The following LY96 variants were observed in gnomAD, a reference collection of about 807,000 sequenced individuals.
LY96 encodes the protein lymphocyte antigen 96.
In LY96, 18 loss-of-function variants were observed where a neutral mutation model predicts 18.9. The observed-to-expected ratio is 0.95, with a 90% confidence interval of 0.66 to 1.41. The LOEUF is 1.41. Ranked by LOEUF, LY96 falls within the 40% of genes most tolerant of loss-of-function variation. The probability of loss-of-function intolerance (pLI) is 0.00; values close to 1 mark genes in which losing one functional copy is unlikely to be tolerated. For missense variants in LY96, 175 were observed against 182.4 expected (o/e 0.96, Z 0.23); for synonymous variants, 66 against 62.6 (o/e 1.06, Z -0.26).
intron 2 of LY96, 84 bp downstream of exon 2, chr8:74,004,969 G>A (rs2131263243): frequency 2.8e-6 from 4 of 1,415,642 alleles, no homozygotes; most frequent in Admixed American, 3.6e-5. Flanking sequence ...AAATATACTT[G>A]TATTCGTTAT....
rs143496381 is a variant in LY96, at chr8:74,002,569, A to C, written c.113-2227A>C. Among the ~76,000 whole-genome samples the C allele has an allele frequency of 6.3e-3, 794 of 125,664 alleles. 10 individuals are homozygous for C. Among genetic ancestry groups the C allele is most frequent in the African/African-American group, 0.016 (548 of 34,014 alleles). The allele number at this position is 125,664 out of a possible 152,430, so 82.4% of individuals were successfully genotyped here. ...CCTCAGCTCCATGATTTATTTATTT[A>C]TTTCTTTTTTTTTTTTTTTTGAGAC... On this transcript the variant is annotated intron_variant, in intron 1 of 4. Transcript: ENST00000284818.
At chr8:74,028,608 T>A (rs1001947643) in intron 4 of LY96, among the ~76,000 whole-genome samples, 1 of 152,194 alleles carries the variant, frequency 6.6e-6, no homozygotes, top group Non-Finnish European at 1.5e-5. Context: ...ATTCTAGATA[T>A]TTGCGTGACA....
chr8:74,047,993 G>C, the LY96 span, among the ~76,000 whole-genome samples: 1 of 152,040 alleles, frequency 6.6e-6, no homozygotes, highest in East Asian at 1.9e-4. Flanking sequence ...TGACTTCCTT[G>C]GCTCAAAAAA....
chr8:74,089,358 G>A, the LY96 span, among the ~76,000 whole-genome samples: 1 of 152,064 alleles, frequency 6.6e-6, no homozygotes, highest in African/African-American at 2.4e-5. Flanking sequence ...AAATTATGAA[G>A]GATTTCAATT....
chr8:74,050,666 A>G, the LY96 span, among the ~76,000 whole-genome samples: 1 of 152,132 alleles, frequency 6.6e-6, no homozygotes, highest in Non-Finnish European at 1.5e-5. Context: ...AAATTATAGC[A>G]CTATTACCAT....
intron 3 of LY96, among the ~76,000 whole-genome samples, chr8:74,024,034 G>C (rs978201914): frequency 3.9e-5 from 6 of 152,114 alleles, no homozygotes; most frequent in South Asian, 2.1e-4. Flanking sequence ...GCTGGGCCTT[G>C]AAAATTATGT....
At chr8:74,097,927 C>T in the LY96 span, among the ~76,000 whole-genome samples, 28 of 152,098 alleles carry the variant, frequency 1.8e-4, no homozygotes, top group Non-Finnish European at 3.8e-4. Flanking sequence ...CTATGGCCAG[C>T]AGAGAAATTG....
chr8:74,073,394 T>C, the LY96 span, among the ~76,000 whole-genome samples: 2 of 152,188 alleles, frequency 1.3e-5, no homozygotes. Context: ...ACAGATGATC[T>C]CATTCAGTCC....
the LY96 span, among the ~76,000 whole-genome samples, chr8:74,084,985 C>T: frequency 6.6e-6 from 1 of 152,190 alleles, no homozygotes; most frequent in South Asian, 2.1e-4. Flanking sequence ...CACTAAAGTA[C>T]AAATGACAAA....
At chr8:74,053,739 A>G in the LY96 span, among the ~76,000 whole-genome samples, 1 of 152,234 alleles carries the variant, frequency 6.6e-6, no homozygotes. Flanking sequence ...GCCAAATTTC[A>G]TGTGTTGGAA....
At chr8:74,070,687 T>C in the LY96 span, among the ~76,000 whole-genome samples, 1 of 152,326 alleles carries the variant, frequency 6.6e-6, no homozygotes, top group African/African-American at 2.4e-5. Context: ...TCACCTCGTG[T>C]TCTTACCATC....
intron 4 of LY96, among the ~76,000 whole-genome samples, chr8:74,028,682 T>C (rs1816918085): frequency 6.6e-6 from 1 of 152,222 alleles, no homozygotes; most frequent in African/African-American, 2.4e-5. Flanking sequence ...AATTTAATAA[T>C]GCATATTCTT....
chr8:74,088,367 A>G, the LY96 span, among the ~76,000 whole-genome samples: 4 of 152,118 alleles, frequency 2.6e-5, no homozygotes, highest in Admixed American at 1.3e-4. Flanking sequence ...AGGAAAACAC[A>G]AGGAGCCATT....
intron 1 of LY96, among the ~76,000 whole-genome samples, chr8:73,999,291 G>A (rs1362533039): frequency 6.6e-6 from 1 of 151,242 alleles, no homozygotes. Flanking sequence ...TTTGAAACAA[G>A]ATCTCAATCT....
At chr8:74,096,582 C>G in the LY96 span, among the ~76,000 whole-genome samples, 2 of 152,122 alleles carry the variant, frequency 1.3e-5, no homozygotes, top group Non-Finnish European at 2.9e-5. Context: ...CTCTCCTGCT[C>G]TATTATTTTT....
chr8:74,030,831 C>T (rs1816957151), downstream of LY96, among the ~76,000 whole-genome samples: 1 of 152,194 alleles, frequency 6.6e-6, no homozygotes, highest in African/African-American at 2.4e-5. Context: ...CCAAATCAAA[C>T]CAACTACTGG....
the LY96 span, among the ~76,000 whole-genome samples, chr8:74,039,141 T>A: frequency 6.6e-6 from 1 of 152,244 alleles, no homozygotes; most frequent in African/African-American, 2.4e-5. Context: ...TTGAACACCT[T>A]TTCATATGGC....
At chr8:74,004,748 TG>T (rs1477811860) in intron 1 of LY96, 47 bp from the exon 2 acceptor site, 20 of 1,473,198 alleles carry the variant, frequency 1.4e-5, no homozygotes, top group Middle Eastern at 1.8e-4. Context: ...CTATACTTAA[TG>T]GAGATGATTT....
At chr8:74,069,417 A>G in the LY96 span, among the ~76,000 whole-genome samples, 1 of 152,092 alleles carries the variant, frequency 6.6e-6, no homozygotes, top group Admixed American at 6.5e-5. Context: ...TATCCTCAGG[A>G]GACTGGGGAA....
Sources: gnomAD v4.1 joint callset for allele counts (sites outside exome capture counted in the v4.1 genomes callset) on GRCh38, gnomAD v4.1.1 for gene constraint, MANE v1.5 for transcripts, NCBI Gene and HGNC (gene_info 2026-07-23, HGNC 2026-07-21) for gene names.